The following TMEM255B variants were observed in gnomAD, a reference collection of about 807,000 sequenced individuals.
TMEM255B encodes transmembrane protein 255B, also known as family with sequence similarity 70, member B.
In TMEM255B, 35 loss-of-function variants were observed where a neutral mutation model predicts 34.5. The observed-to-expected ratio is 1.01, with a 90% CI of 0.77 to 1.34. The LOEUF (loss-of-function observed/expected upper bound fraction) is 1.34. Among genes scored for constraint, TMEM255B ranks in the 40% most tolerant of loss-of-function variants. The probability of loss-of-function intolerance (pLI) is 0.00; values close to 1 mark genes in which losing one functional copy is unlikely to be tolerated. For missense variants in TMEM255B, 432 were observed against 433.2 expected (o/e 1.00, Z 0.02); for synonymous variants, 206 against 201.2 (o/e 1.02, Z -0.20).
chr13:113,811,443 GCCCTGGGTCTGTGGGAGCCCGTGTGAATA>G (rs2051303891), intron 8 of TMEM255B, among the ~76,000 whole-genome samples: 1 of 126,546 alleles, frequency 7.9e-6, no homozygotes, highest in African/African-American at 3.1e-5. Context: ...CGTGAGAGTG[GCCCTGGGTCTGTGGGAGCCCGTGTGAATA>G]GCCCTGGGTC....
At chr13:113,780,967 CAT>C (rs1367640044) in intron 3 of TMEM255B, among the ~76,000 whole-genome samples, 2 of 152,172 alleles carry the variant, frequency 1.3e-5, no homozygotes, top group East Asian at 3.8e-4. Flanking sequence ...ATACCAATAA[CAT>C]ATTTATACAA....
chr13:113,792,805 A>G (rs1004907722), intron 3 of TMEM255B, among the ~76,000 whole-genome samples: 2 of 152,266 alleles, frequency 1.3e-5, no homozygotes, highest in Non-Finnish European at 2.9e-5. Flanking sequence ...TAATGCAGCC[A>G]TGGTTTTCTG....
In TMEM255B at chr13:113,804,992, CG is replaced by C. The variant is rs775366515; in HGVS notation, c.778del (p.Val260SerfsTer73). Reference sequence around the variant, plus strand: ...CAGGCTTCCGCCTGACGCCCGAGCCCGTCCCGACCTGCTCGTCCTACCCTCT... The same window carrying C: ...CAGGCTTCCGCCTGACGCCCGAGCCCTCCCGACCTGCTCGTCCTACCCTCT... The part of the protein sequence containing the change: ...YAGFRLTPEP[V>X]PTCSSYPLPL... On this transcript the variant is annotated frameshift_variant, in exon 8 of 9. Coordinates refer to ENST00000375353, the MANE Select transcript of TMEM255B (RefSeq NM_182614.4). LOFTEE classifies it low-confidence loss of function (END_TRUNC). The C allele has an allele frequency of 1.4e-5, 22 of 1,606,014 alleles. No individual in the cohort carries two copies. Among genetic ancestry groups the C allele is most frequent in the Middle Eastern group, 1.6e-4 (1 of 6,076 alleles).
At chr13:113,797,140 C>T (rs1056140054) in intron 4 of TMEM255B, among the ~76,000 whole-genome samples, 1 of 151,998 alleles carries the variant, frequency 6.6e-6, no homozygotes, top group Non-Finnish European at 1.5e-5. Context: ...GGTTCCGGAC[C>T]TCGGGCGCCT....
intron 3 of TMEM255B, among the ~76,000 whole-genome samples, chr13:113,786,691 C>T (rs1037247721): frequency 2.6e-5 from 4 of 152,148 alleles, no homozygotes; most frequent in Non-Finnish European, 4.4e-5. Context: ...CCATCACCGT[C>T]ATCACTGTCG....
chr13:113,811,127 TG>T (rs2051289144), intron 8 of TMEM255B, among the ~76,000 whole-genome samples: 2 of 142,864 alleles, frequency 1.4e-5, no homozygotes, highest in South Asian at 4.8e-4. Flanking sequence ...CTGCTCCTTC[TG>T]GTGGCCCTGG....
intron 5 of TMEM255B, chr13:113,799,804 A>G (rs1240057328): frequency 3.1e-6 from 2 of 644,822 alleles, no homozygotes; most frequent in Non-Finnish European, 5.8e-6. Flanking sequence ...GTGTGACCTC[A>G]TTTCTCTTTC....
chr13:113,808,424 G>T (rs1409698348), intron 8 of TMEM255B, among the ~76,000 whole-genome samples: 2 of 152,160 alleles, frequency 1.3e-5, no homozygotes, highest in Non-Finnish European at 2.9e-5. Flanking sequence ...TGTCCCTAGG[G>T]GGGCCCTGTC....
chr13:113,768,605 C>T (rs2050429266), intron 2 of TMEM255B, among the ~76,000 whole-genome samples: 1 of 152,206 alleles, frequency 6.6e-6, no homozygotes, highest in African/African-American at 2.4e-5. Context: ...GTCTGCCCTG[C>T]TCACTCTCCC....
intron 3 of TMEM255B, among the ~76,000 whole-genome samples, chr13:113,775,887 C>T (rs2050568903): frequency 6.6e-6 from 1 of 152,220 alleles, no homozygotes; most frequent in Non-Finnish European, 1.5e-5. Context: ...CGCCCAGGGA[C>T]CATGGGACCC....
chr13:113,802,834 A>C (rs2051091003), intron 7 of TMEM255B, among the ~76,000 whole-genome samples: 1 of 147,922 alleles, frequency 6.8e-6, no homozygotes, highest in South Asian at 2.1e-4. Context: ...CTGGGCCCCC[A>C]GACGCCCGCA....
chr13:113,793,811 T>C (rs1264509634), intron 3 of TMEM255B, among the ~76,000 whole-genome samples: 1 of 152,222 alleles, frequency 6.6e-6, no homozygotes, highest in African/African-American at 2.4e-5. Context: ...GGACCGGCTC[T>C]GATGGGGCTT....
chr13:113,802,082 C>T (rs1270700186), intron 7 of TMEM255B, among the ~76,000 whole-genome samples: 1 of 152,256 alleles, frequency 6.6e-6, no homozygotes, highest in Non-Finnish European at 1.5e-5. Context: ...CAATGTTCAG[C>T]TCCAAGAGGG....
chr13:113,791,402 C>T (rs913940468), intron 3 of TMEM255B, among the ~76,000 whole-genome samples: 7 of 152,322 alleles, frequency 4.6e-5, no homozygotes, highest in South Asian at 2.1e-4. Context: ...GGGATGGCTT[C>T]GGCTCCCACT....
intron 3 of TMEM255B, among the ~76,000 whole-genome samples, chr13:113,778,452 T>G (rs1202087269): frequency 6.6e-6 from 1 of 150,956 alleles, no homozygotes; most frequent in African/African-American, 2.5e-5. Context: ...CTGTGGCATC[T>G]TCTCCCGGGT....
intron 3 of TMEM255B, among the ~76,000 whole-genome samples, chr13:113,772,233 A>G (rs2050490330): frequency 6.6e-6 from 1 of 152,180 alleles, no homozygotes; most frequent in Non-Finnish European, 1.5e-5. Context: ...TGTATTCTAG[A>G]TACAAATCGC....
chr13:113,793,127 G>T (rs1242450609), intron 3 of TMEM255B, among the ~76,000 whole-genome samples: 2 of 152,242 alleles, frequency 1.3e-5, no homozygotes, highest in East Asian at 3.9e-4. Context: ...GAGGTGGAGG[G>T]GGGATGCGAG....
Position 113,776,078 on chromosome 13 carries a change from G to A in TMEM255B, c.252+6918G>A, listed in dbSNP as rs77750330. Among the ~76,000 whole-genome samples the A allele has an allele frequency of 5.8e-3, 878 of 152,292 alleles. 9 individuals are homozygous for A. The highest frequency in any genetic ancestry group is 0.02 in the African/African-American group (843 of 41,556). On this transcript the variant is annotated intron_variant, in intron 3 of 8. Transcript: ENST00000375353. ...CAGTCCACACCTCCTCCATGCAAAC[G>A]CCTCAGGCCACACCTGCAGGGGATG...
chr13:113,804,797 C>T (rs958041737), intron 7 of TMEM255B, 88 bp from the exon 8 acceptor site: 21 of 1,246,568 alleles, frequency 1.7e-5, no homozygotes, highest in South Asian at 1.2e-4. Context: ...AGTCGGGGGT[C>T]GAGGGTGCTG....
Sources: gnomAD v4.1 joint callset for allele counts (sites outside exome capture counted in the v4.1 genomes callset) on GRCh38, gnomAD v4.1.1 for gene constraint, MANE v1.5 for transcripts, NCBI Gene and HGNC (gene_info 2026-07-23, HGNC 2026-07-21) for gene names.